Variants in COL12A1 observed in about 807,000 individuals in gnomAD.
The protein encoded by COL12A1 is collagen alpha-1(XII) chain.
COL12A1 carries 114 observed loss-of-function variants against 349.7 expected under a neutral mutation model. The observed-to-expected ratio is 0.33, with a 90% CI of 0.28 to 0.38. The LOEUF (loss-of-function observed/expected upper bound fraction) is 0.38, where lower values mean the gene tolerates loss of function less well. Ranked by LOEUF, COL12A1 falls within the 10% of genes least tolerant of loss-of-function variation. The pLI is 1.00. For missense variants in COL12A1, 3,284 were observed against 3,756.9 expected (o/e 0.87, Z 3.29); for synonymous variants, 1,369 against 1,329.0 (o/e 1.03, Z -0.66).
intron 52 of COL12A1, among the ~76,000 whole-genome samples, chr6:75,107,410 A>G (rs1168954211): frequency 6.6e-6 from 1 of 152,016 alleles, no homozygotes; most frequent in African/African-American, 2.4e-5. Flanking sequence ...AGCTGGCATT[A>G]CAGGCGCCCA....
rs1766411910 is a variant in COL12A1, at chr6:75,133,426, A to G, written c.5665-4T>C. Reference sequence around the variant, plus strand: ...TGGTATTCCCGGGGATTGGTACCTAAAGATTTTAATAAAACAAAAAGCATT... The same window carrying G: ...TGGTATTCCCGGGGATTGGTACCTAGAGATTTTAATAAAACAAAAAGCATT... On this transcript the variant is annotated splice_region_variant and splice_polypyrimidine_tract_variant and intron_variant, in intron 33 of 65. Transcript: ENST00000322507. 6.9e-6 allele frequency: 11 copies of G among 1,598,138 alleles called. 1 individual carries two copies. The highest frequency in any genetic ancestry group is 9.4e-6 in the Non-Finnish European group (11 of 1,175,892).
rs886689585 is a variant in COL12A1, at chr6:75,086,023, A to C, written c.*524T>G. On this transcript the variant is annotated 3_prime_UTR_variant, in exon 66 of 66. Coordinates refer to ENST00000322507, the MANE Select transcript of COL12A1 (RefSeq NM_004370.6). ...ATCAGACACATCGCTAACAAGCAAG[A>C]GATGAGGAGATTCCATTTGGTGTTA... is the stretch of plus-strand genomic sequence containing the variant. The C allele has an allele frequency of 6.5e-6, 1 of 152,844 alleles. No homozygotes were observed. Among genetic ancestry groups the C allele is most frequent in the African/African-American group, 2.4e-5 (1 of 41,460 alleles). The allele number at this position is 152,844 out of a possible 1,614,324, so 9.5% of individuals were successfully genotyped here.
intron 52 of COL12A1, among the ~76,000 whole-genome samples, chr6:75,108,049 G>A (rs1399189620): frequency 5.3e-5 from 8 of 151,980 alleles, no homozygotes; most frequent in Admixed American, 5.2e-4. Context: ...TTGCTTTTAG[G>A]ACAATAGGTC....
chr6:75,137,319 C>A (rs532600675), intron 31 of COL12A1, 118 bp downstream of exon 31: 4 of 921,380 alleles, frequency 4.3e-6, no homozygotes, highest in Non-Finnish European at 6.3e-6. Context: ...CCATCCAATG[C>A]GATAAATCTT....
At chr6:75,184,950 C>T (rs1769532246) in intron 8 of COL12A1, among the ~76,000 whole-genome samples, 1 of 152,124 alleles carries the variant, frequency 6.6e-6, no homozygotes, top group South Asian at 2.1e-4. Context: ...TGTGTAAAAA[C>T]AGGCCCAAAT....
At position 75,189,555 on chromosome 6, in the gene COL12A1, T is replaced by A. The variant is rs753176382; in HGVS notation, c.655A>T (p.Thr219Ser). ...KIPYKGGNTM[T>S]GDAIDYLVKN... is the part of the protein sequence containing the mutation. ...TAAAAAAATCTGTAGAACATACCTG[T>A]CATTGTGTTGCCACCTTTATATGGA... The change falls in exon 6 of 66, where the codon ACA becomes TCA. Residue 219 changes from threonine (T) to serine (S), a missense_variant. This residue lies in a region of COL12A1 where 2,601 missense variants were observed against 2,824.8 expected (regional missense o/e 0.92). Coordinates refer to ENST00000322507, the MANE Select transcript of COL12A1 (RefSeq NM_004370.6). The A allele has an allele frequency of 6.2e-7, 1 of 1,611,942 alleles. No individual in the cohort carries two copies. Among genetic ancestry groups the A allele is most frequent in the Non-Finnish European group, 8.5e-7 (1 of 1,178,934 alleles).
Position 75,097,595 on chromosome 6 carries a change from AG to A in COL12A1, c.8524-290del, listed in dbSNP as rs554738428. On this transcript the variant is annotated intron_variant, in intron 58 of 65. Transcript: ENST00000322507. The stretch of plus-strand genomic sequence containing the variant: ...TTAAGAGCCAAACTAATCTTCTCCC[AG>A]GAAGGCAGATTCCCTTCATGAAGAT... 4.3e-3 allele frequency among the ~76,000 whole-genome samples: 649 copies of A among 152,348 alleles called. 1 individual carries two copies. The highest frequency in any genetic ancestry group is 6.4e-3 in the Non-Finnish European group (437 of 68,038).
intron 54 of COL12A1, 87 bp downstream of exon 54, chr6:75,105,119 G>T: frequency 9.2e-7 from 1 of 1,086,106 alleles, no homozygotes; most frequent in Non-Finnish European, 1.3e-6. Context: ...ATGAATTGAA[G>T]TATTTTACTG....
intron 3 of COL12A1, among the ~76,000 whole-genome samples, chr6:75,194,062 G>A (rs1770094986): frequency 6.6e-6 from 1 of 152,132 alleles, no homozygotes. Flanking sequence ...CTTTATAGCA[G>A]CATGATTTAT....
chr6:75,196,867 T>TA (rs1770252366), intron 2 of COL12A1, among the ~76,000 whole-genome samples: 1 of 152,228 alleles, frequency 6.6e-6, no homozygotes, highest in Admixed American at 6.5e-5. Flanking sequence ...TGAAGGGCAG[T>TA]AGCAGCCCCC....
At position 75,124,235 on chromosome 6, in the gene COL12A1, T is replaced by C; in HGVS notation, c.6724+20A>G. 1 of 1,605,522 alleles carries C rather than the reference T, an allele frequency of 6.2e-7. No homozygotes were observed. Among genetic ancestry groups the C allele is most frequent in the South Asian group, 1.1e-5 (1 of 89,256 alleles). On this transcript the variant is annotated intron_variant, in intron 41 of 65. Transcript: ENST00000322507. ...TCCACTACATGCTCCAGATCATTTT[T>C]TTCTTTTTTACACACATACCATCTG...
In COL12A1 at chr6:75,165,768, G is replaced by A. The variant is rs780798032; in HGVS notation, c.2722C>T (p.Pro908Ser). 5.6e-6 allele frequency: 9 copies of A among 1,613,634 alleles called. No individual in the cohort carries two copies. The highest frequency in any genetic ancestry group is 7.6e-6 in the Non-Finnish European group (9 of 1,179,734). Residue 908 changes from proline to serine, a missense_variant, in exon 14 of 66, where the codon CCT becomes TCT. Pro to Ser is a moderately conservative substitution (Grantham distance 74). Around this residue, in one of 2 missense-constraint regions of COL12A1, gnomAD observed 2,601 missense variants for 2,824.8 expected, o/e 0.92. Transcript: ENST00000322507. ...EGTTLEERGS[P>S]QDLVTKDITD... ...ATGTCTTTAGTAACTAAATCTTGAG[G>A]AGAACCACGTTCTAGAACAGAAATT...
chr6:75,186,195 A>C (rs1181009724), intron 8 of COL12A1, among the ~76,000 whole-genome samples: 4 of 152,234 alleles, frequency 2.6e-5, no homozygotes, highest in African/African-American at 9.6e-5. Context: ...ACAAAATGGG[A>C]GAAAATTTTT....
chr6:75,204,784 A>T (rs1218650325), intron 1 of COL12A1, among the ~76,000 whole-genome samples: 1 of 150,892 alleles, frequency 6.6e-6, no homozygotes. Context: ...AAAGAAAATC[A>T]CACACACACA....
At chr6:75,110,954 T>G (rs954156468) in intron 51 of COL12A1, among the ~76,000 whole-genome samples, 6 of 151,890 alleles carry the variant, frequency 4.0e-5, no homozygotes, top group African/African-American at 1.4e-4. Context: ...GTCAATGGGA[T>G]GGGGGTATTT....
chr6:75,095,965 T>C (rs1305734826), intron 59 of COL12A1, among the ~76,000 whole-genome samples: 1 of 152,232 alleles, frequency 6.6e-6, no homozygotes, highest in African/African-American at 2.4e-5. Context: ...AGTCTTCCCT[T>C]GTCTGCTGGG....
At chr6:75,105,168 C>G (rs1293601926) in intron 54 of COL12A1, 38 bp downstream of exon 54, 1 of 1,546,402 alleles carries the variant, frequency 6.5e-7, no homozygotes, top group East Asian at 2.2e-5. Context: ...CTAAAGATTT[C>G]AAAGGAAAAA....
chr6:75,164,428 A>G (rs1296022354), intron 14 of COL12A1, among the ~76,000 whole-genome samples: 1 of 152,192 alleles, frequency 6.6e-6, no homozygotes, highest in African/African-American at 2.4e-5. Flanking sequence ...ATAGAAGGAA[A>G]TGCATGAATG....
chr6:75,087,816 C>A, intron 64 of COL12A1, 69 bp from the exon 65 acceptor site: 1 of 1,471,128 alleles, frequency 6.8e-7, no homozygotes, highest in Non-Finnish European at 9.3e-7. Flanking sequence ...GCCACCAATA[C>A]TTTAAGTGGC....
Sources: gnomAD v4.1 joint callset for allele counts (sites outside exome capture counted in the v4.1 genomes callset) on GRCh38, gnomAD v4.1.1 for gene constraint, gnomAD v4.1.1 regional missense constraint, MANE v1.5 for transcripts, NCBI Gene and HGNC (gene_info 2026-07-23, HGNC 2026-07-21) for gene names.